COL4A4: variants seen among roughly 807,000 people sequenced by gnomAD.
COL4A4 encodes the protein collagen alpha-4(IV) chain.
COL4A4 carries 105 observed loss-of-function variants against 192.9 expected under a neutral mutation model. The ratio of observed to expected loss-of-function variants is 0.54; its 90% confidence interval spans 0.46 to 0.64. COL4A4 has a LOEUF of 0.64. Among genes scored for constraint, COL4A4 ranks in the 30% least tolerant of loss-of-function variants. COL4A4 has a pLI of 0.00. For synonymous variants in COL4A4, 762 were observed against 769.9 expected (o/e 0.99, Z 0.17); for missense variants, 1,967 against 2,169.3 (o/e 0.91, Z 1.85).
At position 227,059,481 on chromosome 2, in the gene COL4A4, G is replaced by A. The variant is rs748339903; in HGVS notation, c.2307C>T (p.Pro769=). ...PGDPAFGHLG[P]PGKRGLSGVP... is the part of the protein sequence containing the mutation. ...CTCCTGAAAGACCCCTCTTTCCCGG[G>A]GGTCCCAGGTGACCAAATGCAGGGT... The change falls in exon 28 of 48, where the codon CCC becomes CCT. Residue 769 remains proline, a synonymous_variant. Transcript: ENST00000396625. 1.3e-5 allele frequency: 21 copies of A among 1,614,074 alleles called. No homozygotes were observed. Among genetic ancestry groups the A allele is most frequent in the Non-Finnish European group, 1.8e-5 (21 of 1,180,010 alleles).
chr2:226,993,683 A>G, the COL4A4 span, among the ~76,000 whole-genome samples: 1 of 152,206 alleles, frequency 6.6e-6, no homozygotes, highest in African/African-American at 2.4e-5. Context: ...TCAACAGGAA[A>G]GGAGAATCAG....
chr2:226,967,499 A>G, the COL4A4 span, among the ~76,000 whole-genome samples: 1 of 151,444 alleles, frequency 6.6e-6, no homozygotes, highest in African/African-American at 2.4e-5. Context: ...TCGTCATTTA[A>G]CATTAGGTAT....
chr2:227,122,048 T>C (rs1289117382), intron 4 of COL4A4, among the ~76,000 whole-genome samples: 6 of 152,236 alleles, frequency 3.9e-5, no homozygotes. Flanking sequence ...TTAGTCTCCA[T>C]GTCACATTAA....
chr2:227,088,533 C>G lies in COL4A4; in HGVS notation c.1623+120G>C, dbSNP rs956622083. The G allele has an allele frequency of 5.3e-6, 7 of 1,325,056 alleles. No homozygotes were observed. The African/African-American group carries it at 7.2e-5, about 14-fold the overall frequency. The allele number at this position is 1,325,056 out of a possible 1,614,324, so 82.1% of individuals were successfully genotyped here. On this transcript the variant is annotated intron_variant, in intron 22 of 47. Coordinates refer to ENST00000396625, the MANE Select transcript of COL4A4 (RefSeq NM_000092.5). Reference sequence around the variant, plus strand: ...TCCCCACCCATACAGAACTGCGAGTCAATTAAACCTCTTTCCTTAATAAAT... The same window carrying G: ...TCCCCACCCATACAGAACTGCGAGTGAATTAAACCTCTTTCCTTAATAAAT...
chr2:227,040,928 G>A (rs891410025), intron 37 of COL4A4, among the ~76,000 whole-genome samples: 1 of 151,942 alleles, frequency 6.6e-6, no homozygotes, highest in East Asian at 1.9e-4. Context: ...GAATGTGAGG[G>A]CATAAAGATT....
intron 36 of COL4A4, 92 bp downstream of exon 36, chr2:227,042,985 C>A (rs1312918276): frequency 1.1e-6 from 1 of 931,126 alleles, no homozygotes; most frequent in African/African-American, 1.6e-5. Flanking sequence ...AGAGCCATAT[C>A]TGAATTTAGG....
At chr2:226,980,449 T>C in the COL4A4 span, among the ~76,000 whole-genome samples, 1 of 152,170 alleles carries the variant, frequency 6.6e-6, no homozygotes, top group African/African-American at 2.4e-5. Flanking sequence ...TCTGTGCCTC[T>C]TAGCTCTTAG....
At chr2:227,108,459 C>T in intron 12 of COL4A4, 122 bp downstream of exon 12, 2 of 936,830 alleles carry the variant, frequency 2.1e-6, no homozygotes, top group Admixed American at 3.7e-5. Context: ...GAAAAGTTCT[C>T]AGCCATAAAA....
intron 4 of COL4A4, among the ~76,000 whole-genome samples, chr2:227,128,099 A>G (rs1176459406): frequency 6.6e-6 from 1 of 152,164 alleles, no homozygotes; most frequent in Non-Finnish European, 1.5e-5. Flanking sequence ...TATGATCCCC[A>G]TATAGATGAA....
intron 43 of COL4A4, among the ~76,000 whole-genome samples, chr2:227,024,072 G>A (rs778232422): frequency 6.6e-6 from 1 of 151,942 alleles, no homozygotes; most frequent in African/African-American, 2.4e-5. Context: ...ACACTTCTGT[G>A]GTGACACAGC....
rs573365285 is a variant in COL4A4, at chr2:227,098,360, A to G, written c.1204+334T>C. ...GGGAGGCCTGTTGTTATACATACAT[A>G]TTCCTTACAACACCCCTATGATATT... is the stretch of plus-strand genomic sequence containing the variant. On this transcript the variant is annotated intron_variant, in intron 19 of 47. Transcript: ENST00000396625. Among the ~76,000 whole-genome samples the G allele has an allele frequency of 7.2e-5, 11 of 152,286 alleles. No homozygotes were observed. In the South Asian group the frequency reaches 2.3e-3, roughly 32 times the overall value.
At chr2:227,068,723 A>T (rs1362964489) in intron 25 of COL4A4, among the ~76,000 whole-genome samples, 2 of 151,274 alleles carry the variant, frequency 1.3e-5, no homozygotes, top group East Asian at 1.9e-4. Flanking sequence ...ATTTCAAAAT[A>T]ATAAGAGCTA....
At chr2:227,074,056 A>G (rs2058878828) in intron 25 of COL4A4, among the ~76,000 whole-genome samples, 1 of 152,114 alleles carries the variant, frequency 6.6e-6, no homozygotes, top group Admixed American at 6.6e-5. Flanking sequence ...AATGGGACCC[A>G]GTTAAACTAA....
chr2:227,091,017 T>C (rs1251178937), intron 20 of COL4A4, among the ~76,000 whole-genome samples: 1 of 151,704 alleles, frequency 6.6e-6, no homozygotes, highest in African/African-American at 2.4e-5. Context: ...ACAGGATGAT[T>C]TGTCTAAAAA....
chr2:227,033,283 C>T, intron 38 of COL4A4, 127 bp downstream of exon 38: 1 of 776,108 alleles, frequency 1.3e-6, no homozygotes, highest in Non-Finnish European at 2.2e-6. Context: ...GTGTCTCTAA[C>T]CTAAGCCAGT....
intron 1 of COL4A4, among the ~76,000 whole-genome samples, chr2:227,151,992 A>G (rs1028905082): frequency 1.3e-5 from 2 of 152,234 alleles, no homozygotes; most frequent in African/African-American, 2.4e-5. Context: ...ATATACCAAG[A>G]GTGAGATACT....
At chr2:227,090,073 C>T (rs558036931) in intron 20 of COL4A4, 116 bp from the exon 21 acceptor site, 62 of 714,618 alleles carry the variant, frequency 8.7e-5, no homozygotes, top group Non-Finnish European at 1.2e-4. Flanking sequence ...TTTCCCAACC[C>T]CATTCTTTGC....
chr2:227,164,298 TCCCCACCGCACACCCCCAAACG>T, upstream of COL4A4: 1 of 244,920 alleles, frequency 4.1e-6, no homozygotes, highest in Non-Finnish European at 7.9e-6. This position sits in a 1 kb window ranked among gnomAD's most constrained non-coding sequence, Gnocchi z 4.8. Context: ...CGCAGCCACC[TCCCCACCGCACACCCCCAAACG>T]CCCCACCTCC....
At chr2:227,070,115 A>G (rs2058620290) in intron 25 of COL4A4, among the ~76,000 whole-genome samples, 1 of 152,234 alleles carries the variant, frequency 6.6e-6, no homozygotes, top group South Asian at 2.1e-4. Flanking sequence ...AAACAATGAA[A>G]AAATGCTCAC....
Sources: gnomAD v4.1 joint callset for allele counts (sites outside exome capture counted in the v4.1 genomes callset) on GRCh38, gnomAD v4.1.1 for gene constraint, Gnocchi (gnomAD v3.1) non-coding constraint, MANE v1.5 for transcripts, NCBI Gene and HGNC (gene_info 2026-07-23, HGNC 2026-07-21) for gene names.